Variants in CDH12 observed in about 807,000 individuals in gnomAD.
CDH12 encodes the protein cadherin 12.
A neutral mutation model predicts 74.1 loss-of-function variants in CDH12; 41 were observed. The ratio of observed to expected loss-of-function variants is 0.55; its 90% confidence interval spans 0.43 to 0.72. CDH12 has a LOEUF of 0.72. CDH12 is among the 30% of genes least tolerant of loss of function. The pLI, the probability that CDH12 is intolerant of heterozygous loss-of-function variation, is 0.00. For missense variants in CDH12, 945 were observed against 977.2 expected (o/e 0.97, Z 0.44); for synonymous variants, 399 against 355.0 (o/e 1.12, Z -1.39).
At chr5:22,071,708 C>G (rs554343254) in intron 5 of CDH12, among the ~76,000 whole-genome samples, 6 of 152,152 alleles carry the variant, frequency 3.9e-5, no homozygotes, top group African/African-American at 1.4e-4. Context: ...TCTTTGAACA[C>G]TAGATTAATG....
At chr5:22,652,592 G>T (rs1300503376) in intron 1 of CDH12, among the ~76,000 whole-genome samples, 1 of 152,242 alleles carries the variant, frequency 6.6e-6, no homozygotes, top group Admixed American at 6.5e-5. Context: ...ATTGAAGAAT[G>T]CAGTTACAAT....
chr5:22,450,236 G>A (rs1453779647), intron 2 of CDH12, among the ~76,000 whole-genome samples: 2 of 151,930 alleles, frequency 1.3e-5, no homozygotes, highest in African/African-American at 4.8e-5. Flanking sequence ...GACCTTCAGA[G>A]TTAGTGGCTA....
At chr5:22,035,170 CCT>C (rs56741919) in intron 5 of CDH12, among the ~76,000 whole-genome samples, 4,834 of 151,800 alleles carry the variant, frequency 0.032, 255 homozygotes, top group African/African-American at 0.11. Context: ...TATTTCAGTC[CCT>C]GTCTTCATTC....
intron 1 of CDH12, among the ~76,000 whole-genome samples, chr5:22,644,420 T>C (rs1002185229): frequency 6.6e-6 from 1 of 152,094 alleles, no homozygotes; most frequent in Non-Finnish European, 1.5e-5. Flanking sequence ...CAACATTCTC[T>C]TAAGCCAAAG....
At chr5:21,757,168 T>G (rs1289811751) in intron 13 of CDH12, among the ~76,000 whole-genome samples, 1 of 152,102 alleles carries the variant, frequency 6.6e-6, no homozygotes, top group African/African-American at 2.4e-5. Flanking sequence ...TTTAAAATGT[T>G]TATTTTCAAT....
intron 4 of CDH12, chr5:22,212,223 A>T (rs527477097): frequency 6.6e-6 from 1 of 152,356 alleles, no homozygotes; most frequent in Non-Finnish European, 1.5e-5. Flanking sequence ...ACAACCCTCC[A>T]AATAGATTAT....
At chr5:22,046,437 T>C (rs1342509298) in intron 5 of CDH12, among the ~76,000 whole-genome samples, 2 of 144,888 alleles carry the variant, frequency 1.4e-5, no homozygotes, top group African/African-American at 5.2e-5. Context: ...TTTCTTTTTT[T>C]TTTTTTTTTT....
intron 2 of CDH12, among the ~76,000 whole-genome samples, chr5:22,465,057 G>A (rs533692712): frequency 8.5e-6 from 1 of 117,360 alleles, no homozygotes. Context: ...AGGAAGGGAG[G>A]GGGGGAAAGA....
chr5:22,142,058 T>G (rs1469636213), intron 4 of CDH12, among the ~76,000 whole-genome samples: 1 of 152,138 alleles, frequency 6.6e-6, no homozygotes, highest in Non-Finnish European at 1.5e-5. Flanking sequence ...GGTGTTGCTA[T>G]AAACTGGAAC....
intron 2 of CDH12, among the ~76,000 whole-genome samples, chr5:22,487,601 G>C (rs184950631): frequency 1.1e-4 from 17 of 152,196 alleles, no homozygotes; most frequent in African/African-American, 3.6e-4. Flanking sequence ...AAGCTGAGTT[G>C]AACACTGAGT....
chr5:22,827,986 A>C (rs1736418330), intron 1 of CDH12, among the ~76,000 whole-genome samples: 1 of 152,200 alleles, frequency 6.6e-6, no homozygotes, highest in Admixed American at 6.5e-5. Flanking sequence ...AAAGTAAAAT[A>C]ATATGGGCAT....
chr5:22,096,997 A>G (rs1309069559), intron 4 of CDH12, among the ~76,000 whole-genome samples: 1 of 152,162 alleles, frequency 6.6e-6, no homozygotes, highest in Non-Finnish European at 1.5e-5. Flanking sequence ...CTGAGTTGCA[A>G]TTCCTTGCCT....
At chr5:22,320,637 T>C (rs549060256) in intron 3 of CDH12, among the ~76,000 whole-genome samples, 3 of 152,358 alleles carry the variant, frequency 2.0e-5, no homozygotes, top group African/African-American at 7.2e-5. Context: ...ATGTCTTTAG[T>C]ATTTAACTTC....
intron 3 of CDH12, among the ~76,000 whole-genome samples, chr5:22,288,312 A>G (rs895638813): frequency 2.6e-5 from 4 of 152,160 alleles, no homozygotes; most frequent in Non-Finnish European, 4.4e-5. Context: ...CAATTTATGT[A>G]ATTTATATTT....
chr5:21,767,404 C>T (rs1277769996), intron 11 of CDH12, among the ~76,000 whole-genome samples: 3 of 151,540 alleles, frequency 2.0e-5, no homozygotes, highest in African/African-American at 7.3e-5. Context: ...TATTTTCTAA[C>T]CTACAAAATA....
At chr5:22,244,820 G>A (rs1752890661) in intron 3 of CDH12, among the ~76,000 whole-genome samples, 2 of 150,890 alleles carry the variant, frequency 1.3e-5, no homozygotes, top group Admixed American at 6.6e-5. Context: ...AAGTAGGAGT[G>A]GGGAGCTAGA....
chr5:22,596,438 T>C (rs1447677612), intron 1 of CDH12, among the ~76,000 whole-genome samples: 1 of 152,018 alleles, frequency 6.6e-6, no homozygotes, highest in African/African-American at 2.4e-5. Context: ...TGAAACTCCA[T>C]CTCAAAGAAA....
Position 22,419,722 on chromosome 5 carries a change from C to A in CDH12, c.-427-14371G>T, listed in dbSNP as rs1743554607. ...CCAGCTGTAGGTATTTGAGGAATTG[C>A]CATACTGTTTTCCACAATGGTTGCA... On this transcript the variant is annotated intron_variant, in intron 2 of 14. Transcript: ENST00000382254. Among the ~76,000 whole-genome samples the A allele has an allele frequency of 2.0e-5, 3 of 152,226 alleles. No homozygotes were observed. In the South Asian group the frequency reaches 6.2e-4, roughly 32 times the overall value.
chr5:22,720,027 A>C (rs1440570082), intron 1 of CDH12, among the ~76,000 whole-genome samples: 2 of 85,426 alleles, frequency 2.3e-5, no homozygotes, highest in African/African-American at 7.5e-5. Context: ...ACTAGGATTC[A>C]CAAAAACACA....
Sources: allele counts gnomAD v4.1 joint callset (sites outside exome capture counted in the v4.1 genomes callset), GRCh38; gene constraint gnomAD v4.1.1; transcripts MANE v1.5; gene names NCBI Gene and HGNC (gene_info 2026-07-23, HGNC 2026-07-21).